The following SLC38A4 variants were observed in gnomAD, a reference collection of about 807,000 sequenced individuals.
SLC38A4 encodes sodium-coupled neutral amino acid transporter 4.
SLC38A4 carries 20 observed loss-of-function variants against 63.1 expected under a neutral mutation model. The observed-to-expected ratio is 0.32, with a 90% CI of 0.22 to 0.46. SLC38A4 has a LOEUF of 0.46. Among genes scored for constraint, SLC38A4 ranks in the 20% least tolerant of loss-of-function variants. The pLI is 1.00. For synonymous variants in SLC38A4, 230 were observed against 225.5 expected, an observed-to-expected ratio of 1.02 and a Z score of -0.18; for missense variants, 526 against 663.6, an observed-to-expected ratio of 0.79 and a Z score of 2.28.
At chr12:46,774,987 G>T in intron 14 of SLC38A4, 62 bp downstream of exon 14, 3 of 1,564,692 alleles carry the variant, frequency 1.9e-6, no homozygotes, top group Non-Finnish European at 2.6e-6. Context: ...AATGAAGGTA[G>T]AACACATGTA....
chr12:46,821,916 G>T (rs1052807614), intron 1 of SLC38A4, among the ~76,000 whole-genome samples: 1 of 151,416 alleles, frequency 6.6e-6, no homozygotes, highest in Non-Finnish European at 1.5e-5. Flanking sequence ...CTTTAATTAC[G>T]TTCATTCCTT....
At chr12:46,821,343 G>C (rs144664016) in intron 1 of SLC38A4, among the ~76,000 whole-genome samples, 1 of 152,030 alleles carries the variant, frequency 6.6e-6, no homozygotes, top group Non-Finnish European at 1.5e-5. Flanking sequence ...TGTTTATGAT[G>C]TAAGATAAAG....
At chr12:46,805,441 C>T (rs1939211527) in intron 1 of SLC38A4, among the ~76,000 whole-genome samples, 2 of 151,896 alleles carry the variant, frequency 1.3e-5, no homozygotes, top group Non-Finnish European at 2.9e-5. Flanking sequence ...ATTTTTTTCC[C>T]TAGATCATTT....
chr12:46,807,807 A>G (rs994546141), intron 1 of SLC38A4, among the ~76,000 whole-genome samples: 2 of 152,034 alleles, frequency 1.3e-5, no homozygotes, highest in South Asian at 4.1e-4. Flanking sequence ...CACTATAGGC[A>G]TCTCTTTACA....
rs754750726 is a variant in SLC38A4, at chr12:46,780,038, G to A, written c.494-8C>T. On this transcript the variant is annotated splice_polypyrimidine_tract_variant and splice_region_variant and intron_variant, in intron 7 of 16. Transcript: ENST00000266579. ...AGAGGTAGCTTGACATTGCTAAAAT[G>A]GAAAATGTGACAGCTTAATGGTGTG... 10 of 1,604,210 alleles carry A rather than the reference G, an allele frequency of 6.2e-6. No homozygotes were observed. The South Asian group carries it at 9.9e-5, about 16-fold the overall frequency.
chr12:46,815,306 CACAG>C (rs1427792126), intron 1 of SLC38A4, among the ~76,000 whole-genome samples: 19 of 145,326 alleles, frequency 1.3e-4, no homozygotes, highest in African/African-American at 4.8e-4. Flanking sequence ...CACACACACA[CACAG>C]AGATTGAGAA....
chr12:46,785,618 G>C (rs1938742165), intron 5 of SLC38A4, among the ~76,000 whole-genome samples: 1 of 151,960 alleles, frequency 6.6e-6, no homozygotes, highest in African/African-American at 2.4e-5. Flanking sequence ...CATGCAGTCT[G>C]AGCTGCATTA....
intron 1 of SLC38A4, among the ~76,000 whole-genome samples, chr12:46,821,000 T>C (rs1939534609): frequency 1.3e-5 from 2 of 152,104 alleles, no homozygotes; most frequent in Admixed American, 6.6e-5. Flanking sequence ...ATTCAAGTCC[T>C]TCGATCCTTT....
chr12:46,819,028 A>G (rs1939492138), intron 1 of SLC38A4, among the ~76,000 whole-genome samples: 1 of 151,836 alleles, frequency 6.6e-6, no homozygotes, highest in Admixed American at 6.6e-5. Flanking sequence ...TGCAATTTAA[A>G]AAAAAGGGAA....
intron 1 of SLC38A4, among the ~76,000 whole-genome samples, chr12:46,831,844 G>A (rs1478004486): frequency 2.6e-5 from 4 of 152,168 alleles, no homozygotes; most frequent in Non-Finnish European, 5.9e-5. Context: ...GGGGGAAGTC[G>A]GGCCTCTCAG....
In SLC38A4 at chr12:46,776,954, A is replaced by G; in HGVS notation, c.1124T>C (p.Met375Thr). 4 of 1,612,182 alleles carry G rather than the reference A, an allele frequency of 2.5e-6. No homozygotes were observed. Among genetic ancestry groups the G allele is most frequent in the Non-Finnish European group, 3.4e-6 (4 of 1,178,772 alleles). Reference protein sequence around the residue: ...QTVSNISITGMLVMYLLAALF... With the variant: ...QTVSNISITGTLVMYLLAALF... ...GGCGGCAAGCAGGTACATGACAAGCATCCCCGTGATGGAAATATTTGACAC... is the reference window on the plus strand; with the variant it reads ...GGCGGCAAGCAGGTACATGACAAGCGTCCCCGTGATGGAAATATTTGACAC... Residue 375 changes from methionine (M) to threonine (T), a missense_variant, in exon 13 of 17, where the codon ATG becomes ACG. Met to Thr is a moderately conservative substitution (Grantham distance 81, BLOSUM62 -1). Transcript: ENST00000266579.
intron 1 of SLC38A4, among the ~76,000 whole-genome samples, chr12:46,808,708 A>G (rs1397250184): frequency 6.6e-6 from 1 of 152,044 alleles, no homozygotes; most frequent in Admixed American, 6.6e-5. Flanking sequence ...CAAGGTCTAT[A>G]GGACTTATGG....
At chr12:46,782,032 T>G (rs1938653367) in intron 7 of SLC38A4, among the ~76,000 whole-genome samples, 1 of 152,022 alleles carries the variant, frequency 6.6e-6, no homozygotes, top group South Asian at 2.1e-4. Context: ...ATGAGACAAT[T>G]TTGATATTAC....
intron 1 of SLC38A4, among the ~76,000 whole-genome samples, chr12:46,831,382 A>G (rs989656285): frequency 1.3e-5 from 2 of 151,888 alleles, no homozygotes; most frequent in African/African-American, 4.8e-5. Context: ...CATCAGCTCT[A>G]ACCTGTAATC....
intron 2 of SLC38A4, among the ~76,000 whole-genome samples, 167 bp from the exon 3 acceptor site, chr12:46,793,350 G>A (rs923830269): frequency 1.3e-4 from 20 of 152,068 alleles, no homozygotes; most frequent in African/African-American, 4.3e-4. Flanking sequence ...ATACAAGAAA[G>A]GAAGAAATGG....
chr12:46,831,085 T>A (rs980830788), intron 1 of SLC38A4, among the ~76,000 whole-genome samples: 1 of 152,176 alleles, frequency 6.6e-6, no homozygotes, highest in Non-Finnish European at 1.5e-5. Context: ...GTAAGGGCAA[T>A]CTTCCATCTC....
Position 46,764,766 on chromosome 12 carries a change from T to C in SLC38A4, c.*1935A>G, listed in dbSNP as rs999088558. 7.2e-5 allele frequency: 11 copies of C among 152,230 alleles called. No homozygotes were observed. Among genetic ancestry groups the C allele is most frequent in the African/African-American group, 2.7e-4 (11 of 41,466 alleles). The allele number at this position is 152,230 out of a possible 1,614,324, so 9.4% of individuals were successfully genotyped here. A position where few individuals can be genotyped will look rare whatever the true frequency, so the allele number is the denominator to read the frequency against. ...AGATCAAAAATCACATCATAGTCAT[T>C]TGAAAAGTTCATTTATTATATACCA... On this transcript the variant is annotated 3_prime_UTR_variant, in exon 17 of 17. Coordinates refer to ENST00000266579, the MANE Select transcript of SLC38A4 (RefSeq NM_018018.5).
intron 10 of SLC38A4, 47 bp from the exon 11 acceptor site, chr12:46,778,823 A>G: frequency 6.4e-7 from 1 of 1,562,596 alleles, no homozygotes; most frequent in Non-Finnish European, 8.7e-7. Context: ...TTTTTGAGAA[A>G]AAACAATGAA....
At position 46,785,144 on chromosome 12, in the gene SLC38A4, C is replaced by T. The variant is rs773233715; in HGVS notation, c.360G>A (p.Leu120=). Residue 120 remains leucine (L), a synonymous_variant, in exon 6 of 17, where the codon CTG becomes CTA. Coordinates refer to ENST00000266579, the MANE Select transcript of SLC38A4 (RefSeq NM_018018.5). ...IMLLAVAILS[L]YSVHLLLKTA... ...TTTTTAATAAAAGGTGAACTGAATA[C>T]AGTGATAATATTGCCACAGCAAGCA... 7 of 1,612,862 alleles carry T rather than the reference C, an allele frequency of 4.3e-6. No individual in the cohort carries two copies. The highest frequency in any genetic ancestry group is 2.5e-6 in the Non-Finnish European group (3 of 1,179,194).
Sources: gnomAD v4.1 joint callset for allele counts (sites outside exome capture counted in the v4.1 genomes callset) on GRCh38, gnomAD v4.1.1 for gene constraint, MANE v1.5 for transcripts, NCBI Gene and HGNC (gene_info 2026-07-23, HGNC 2026-07-21) for gene names.